Variants in DENND1C observed in about 807,000 individuals in gnomAD.
The protein encoded by DENND1C is DENN domain-containing protein 1C.
In DENND1C, 64 loss-of-function variants were observed where a neutral mutation model predicts 87.9. That is an observed-to-expected ratio of 0.73 (90% CI 0.60 to 0.90). DENND1C has a LOEUF of 0.90. Among genes scored for constraint, DENND1C ranks in the 40% least tolerant of loss-of-function variants. The pLI is 0.00. For synonymous variants in DENND1C, 384 were observed against 424.4 expected, an observed-to-expected ratio of 0.90 and a Z score of 1.17; for missense variants, 980 against 1,037.0, an observed-to-expected ratio of 0.95 and a Z score of 0.76.
chr19:6,475,366 C>T lies in DENND1C; in HGVS notation c.961G>A (p.Ala321Thr). 1 of 1,612,110 alleles carries T rather than the reference C, an allele frequency of 6.2e-7. No homozygotes were observed. Among genetic ancestry groups the T allele is most frequent in the Non-Finnish European group, 8.5e-7 (1 of 1,178,940 alleles). ...SLLRLRLRKV[A>T]LAPGEGVSRL... ...GACACCCCTTCCCCGGGGGCCAGGG[C>T]GACCTTCCTGAGCCGGAGCCTCAGC... Residue 321 changes from alanine to threonine, a missense_variant, in exon 14 of 23, where the codon GCC becomes ACC. Physicochemically the swap from Ala to Thr is moderately conservative, Grantham distance 58. Coordinates refer to ENST00000381480, the MANE Select transcript of DENND1C (RefSeq NM_024898.4).
chr19:6,480,796 G>C (rs1350533164), intron 1 of DENND1C, among the ~76,000 whole-genome samples: 3 of 151,770 alleles, frequency 2.0e-5, no homozygotes, highest in Non-Finnish European at 2.9e-5. Context: ...GTAGAGACAG[G>C]GTTTCACATA....
chr19:6,480,358 C>A (rs1913466615), intron 1 of DENND1C: 3 of 1,310,886 alleles, frequency 2.3e-6, no homozygotes, highest in Non-Finnish European at 2.9e-6. Context: ...TGTCTGCTGT[C>A]TGCCTGAAAA....
In DENND1C at chr19:6,470,377, G is replaced by C. The variant is rs1261540149; in HGVS notation, c.1291-11C>G. The stretch of plus-strand genomic sequence containing the variant: ...GGCGCCACCACCTTTCTGCGGGAGA[G>C]AAGATACCAAGGGGGAGAGGCTAGG... On this transcript the variant is annotated splice_polypyrimidine_tract_variant and intron_variant, in intron 17 of 22. Transcript: ENST00000381480. 2 of 1,611,432 alleles carry C rather than the reference G, an allele frequency of 1.2e-6. No individual in the cohort carries two copies. Among genetic ancestry groups the C allele is most frequent in the Admixed American group, 3.4e-5 (2 of 59,634 alleles).
chr19:6,469,467 A>G (rs2092815735), intron 19 of DENND1C, 129 bp downstream of exon 19: 1 of 859,082 alleles, frequency 1.2e-6, no homozygotes, highest in Non-Finnish European at 1.8e-6. Flanking sequence ...ATTTTTTTGT[A>G]GAGACAAGGC....
chr19:6,467,902 G>T lies in DENND1C; in HGVS notation c.2008C>A (p.Pro670Thr). The T allele has an allele frequency of 6.2e-7, 1 of 1,613,148 alleles. No individual in the cohort carries two copies. Among genetic ancestry groups the T allele is most frequent in the Non-Finnish European group, 8.5e-7 (1 of 1,179,564 alleles). The change falls in exon 23 of 23, where the codon CCC becomes ACC. Residue 670 changes from proline to threonine, a missense_variant. Coordinates refer to ENST00000381480, the MANE Select transcript of DENND1C (RefSeq NM_024898.4). Reference protein sequence around the residue: ...ASADPSIWGDPKPSPLTEPLI... With the variant: ...ASADPSIWGDTKPSPLTEPLI... ...GGCTCTGTGAGAGGAGAGGGTTTGG[G>T]GTCCCCCCAGATGCTTGGGTCTGCA... is the stretch of plus-strand genomic sequence containing the variant.
Position 6,467,337 on chromosome 19 carries a change from C to G in DENND1C, c.*167G>C. On this transcript the variant is annotated 3_prime_UTR_variant, in exon 23 of 23. Coordinates refer to ENST00000381480, the MANE Select transcript of DENND1C (RefSeq NM_024898.4). ...AAGACCAGGAGGCTTCCTGGAATTC[C>G]CTGCTAGGAGCCAGTTAGAGAGGCT... 1 of 900,830 alleles carries G rather than the reference C, an allele frequency of 1.1e-6. No individual in the cohort carries two copies. Among genetic ancestry groups the G allele is most frequent in the African/African-American group, 1.7e-5 (1 of 57,870 alleles). The allele number at this position is 900,830 out of a possible 1,614,324, so 55.8% of individuals were successfully genotyped here.
At position 6,475,732 on chromosome 19, in the gene DENND1C, T is replaced by A. The variant is rs372216393; in HGVS notation, c.799A>T (p.Ile267Phe). The change falls in exon 12 of 23, where the codon ATT (isoleucine) becomes TTT (phenylalanine). Residue 267 changes from isoleucine to phenylalanine, a missense_variant. Ile to Phe is a conservative substitution (Grantham distance 21, BLOSUM62 0). Coordinates refer to ENST00000381480, the MANE Select transcript of DENND1C (RefSeq NM_024898.4). ...DYCCAPMPYL[I>F]GVHASLAERV... ...TCGGCGAGACTGGCGTGCACTCCAATGAGGTAGGGCATGGGCGCGCTGCGG... is the reference window on the plus strand; with the variant it reads ...TCGGCGAGACTGGCGTGCACTCCAAAGAGGTAGGGCATGGGCGCGCTGCGG... 1.3e-6 allele frequency: 2 copies of A among 1,578,340 alleles called. No individual in the cohort carries two copies. Among genetic ancestry groups the A allele is most frequent in the Non-Finnish European group, 1.7e-6 (2 of 1,161,606 alleles).
intron 10 of DENND1C, 52 bp downstream of exon 10, chr19:6,476,805 C>T: frequency 6.5e-7 from 1 of 1,547,394 alleles, no homozygotes; most frequent in Non-Finnish European, 8.7e-7. Flanking sequence ...TCCCGCCCCC[C>T]GGGGCGGAGC....
rs768077426 is a variant in DENND1C at position 6,475,946 on chromosome 19, C to T, written c.679-9G>A. The T allele has an allele frequency of 3.2e-6, 5 of 1,550,722 alleles. No homozygotes were observed. Among genetic ancestry groups the T allele is most frequent in the Non-Finnish European group, 4.3e-6 (5 of 1,158,330 alleles). ...TGGACGCACGAGGTCAGCTGGGGAG[C>T]GATGGCGGGGCGTGGAGTCAGGGCC... is the stretch of plus-strand genomic sequence containing the variant. On this transcript the variant is annotated splice_polypyrimidine_tract_variant and intron_variant, in intron 10 of 22. Transcript: ENST00000381480.
At chr19:6,470,051 T>G in intron 18 of DENND1C, 1 of 413,178 alleles carries the variant, frequency 2.4e-6, no homozygotes, top group Non-Finnish European at 4.2e-6. Context: ...CTGTCAATTT[T>G]AAAGGGGCCG....
rs976604667 is a variant in DENND1C at position 6,481,746 on chromosome 19, G to T, written c.-51C>A. The stretch of plus-strand genomic sequence containing the variant: ...GGCCCTCTCCCCAGGGGTCCTGGGG[G>T]CCTGTGTATGCTGGGCCCCAAGCCG... On this transcript the variant is annotated 5_prime_UTR_variant, in exon 1 of 23. Transcript: ENST00000381480. 5 of 1,506,336 alleles carry T rather than the reference G, an allele frequency of 3.3e-6. No individual in the cohort carries two copies. The South Asian group carries it at 3.9e-5, about 12-fold the overall frequency. The allele number at this position is 1,506,336 out of a possible 1,614,324, so 93.3% of individuals were successfully genotyped here.
At chr19:6,479,305 G>A (rs1209472668) in intron 4 of DENND1C, among the ~76,000 whole-genome samples, 57 of 148,516 alleles carry the variant, frequency 3.8e-4, no homozygotes, top group African/African-American at 1.4e-3. Flanking sequence ...GAATCCCTAA[G>A]TCCCTGGGTT....
Position 6,476,962 on chromosome 19 carries a change from G to A in DENND1C, c.573C>T (p.Asn191=), listed in dbSNP as rs771598122. 9 of 1,613,690 alleles carry A rather than the reference G, an allele frequency of 5.6e-6. No individual in the cohort carries two copies. In the Admixed American group the frequency reaches 1.2e-4, roughly 21 times the overall value. The change falls in exon 10 of 23, where the codon AAC becomes AAT. Residue 191 remains asparagine (N), a synonymous_variant. Transcript: ENST00000381480. Reference sequence around the variant, plus strand: ...TCACGGCCACCACCAGCTCCGTTAGGTTCCTCTGAGGATCAGAGAGTCGCT... The same window carrying A: ...TCACGGCCACCACCAGCTCCGTTAGATTCCTCTGAGGATCAGAGAGTCGCT... The part of the protein sequence containing the change: ...GRLPSIPENR[N]LTELVVAVTD...
chr19:6,467,411 G>A lies in DENND1C; in HGVS notation c.*93C>T. The A allele has an allele frequency of 1.4e-6, 2 of 1,422,690 alleles. No homozygotes were observed. The highest frequency in any genetic ancestry group is 1.8e-6 in the Non-Finnish European group (2 of 1,082,612). 88.1% of individuals were successfully genotyped at this position (1,422,690 alleles called of 1,614,324 possible). A position where few individuals can be genotyped will look rare whatever the true frequency, so the allele number is the denominator to read the frequency against. On this transcript the variant is annotated 3_prime_UTR_variant, in exon 23 of 23. Transcript: ENST00000381480. ...TGGGATGGATTTCCGAGCAGAGTGA[G>A]GGCACCAGAGAAATTCACCAGGAAA... is the stretch of plus-strand genomic sequence containing the variant.
intron 1 of DENND1C, chr19:6,480,353 G>T: frequency 7.6e-7 from 1 of 1,321,416 alleles, no homozygotes; most frequent in South Asian, 1.7e-5. Context: ...GATCCTGTCT[G>T]CTGTCTGCCT....
At chr19:6,470,435 G>A in intron 17 of DENND1C, 69 bp from the exon 18 acceptor site, 1 of 1,490,340 alleles carries the variant, frequency 6.7e-7, no homozygotes, top group Non-Finnish European at 9.2e-7. Context: ...CAGGTTGTGT[G>A]ATGCCAATCA....
chr19:6,474,474 C>T (rs973934932), intron 14 of DENND1C, among the ~76,000 whole-genome samples: 1 of 152,170 alleles, frequency 6.6e-6, no homozygotes, highest in Non-Finnish European at 1.5e-5. Context: ...CAACATTCAC[C>T]CACTGTGGGA....
At chr19:6,471,143 G>A (rs969251045) in intron 17 of DENND1C, 122 bp downstream of exon 17, 34 of 1,361,514 alleles carry the variant, frequency 2.5e-5, no homozygotes, top group Non-Finnish European at 3.0e-5. Context: ...ATGGGGTTTC[G>A]TCACGTTGCC....
intron 10 of DENND1C, chr19:6,476,573 C>T (rs550228639): frequency 2.6e-6 from 1 of 382,954 alleles, no homozygotes; most frequent in East Asian, 4.8e-5. Flanking sequence ...GTCCCTAGTT[C>T]TCAGTGTCCC....
Sources: gnomAD v4.1 joint callset for allele counts (sites outside exome capture counted in the v4.1 genomes callset) on GRCh38, gnomAD v4.1.1 for gene constraint, MANE v1.5 for transcripts, NCBI Gene and HGNC (gene_info 2026-07-23, HGNC 2026-07-21) for gene names.